The following KCNH7 variants were observed in gnomAD, a reference collection of about 807,000 sequenced individuals.
KCNH7 encodes voltage-gated inwardly rectifying potassium channel KCNH7.
In KCNH7, 49 loss-of-function variants were observed where a neutral mutation model predicts 120.8. The ratio of observed to expected loss-of-function variants is 0.41; its 90% CI spans 0.32 to 0.51. KCNH7 has a LOEUF of 0.51. Among genes scored for constraint, KCNH7 ranks in the 20% least tolerant of loss-of-function variants. The pLI, the probability that KCNH7 is intolerant of heterozygous loss-of-function variation, is 0.38. For synonymous variants in KCNH7, 547 were observed against 516.1 expected, an observed-to-expected ratio of 1.06 and a Z score of -0.81; for missense variants, 1,097 against 1,446.6, an observed-to-expected ratio of 0.76 and a Z score of 3.92.
At chr2:162,621,789 CA>C (rs1057283824) in intron 2 of KCNH7, among the ~76,000 whole-genome samples, 34 of 152,142 alleles carry the variant, frequency 2.2e-4, no homozygotes, top group African/African-American at 8.2e-4. Context: ...ACAAAGTAAC[CA>C]TTGACTTTTG....
intron 2 of KCNH7, among the ~76,000 whole-genome samples, chr2:162,760,485 C>A (rs1014698691): frequency 1.3e-5 from 2 of 152,022 alleles, no homozygotes; most frequent in African/African-American, 4.8e-5. Flanking sequence ...AATAATTCTG[C>A]GTCCCCTTAA....
chr2:162,528,660 A>G (rs2105808401), intron 3 of KCNH7, among the ~76,000 whole-genome samples: 1 of 152,096 alleles, frequency 6.6e-6, no homozygotes, highest in East Asian at 1.9e-4. Context: ...AGGGCTTTGG[A>G]GTCTTATATT....
intron 12 of KCNH7, among the ~76,000 whole-genome samples, chr2:162,393,801 C>T (rs754107206): frequency 4.5e-4 from 69 of 151,994 alleles, no homozygotes; most frequent in Non-Finnish European, 7.5e-4. Context: ...TATTTGAGGG[C>T]GTGTCTATCT....
intron 2 of KCNH7, among the ~76,000 whole-genome samples, chr2:162,570,283 A>G (rs1019495216): frequency 4.6e-5 from 7 of 151,004 alleles, no homozygotes; most frequent in African/African-American, 1.7e-4. Context: ...ACCATTATGT[A>G]ATGGCCTTCT....
chr2:162,543,314 A>G (rs1692375978), intron 2 of KCNH7, among the ~76,000 whole-genome samples: 1 of 151,944 alleles, frequency 6.6e-6, no homozygotes, highest in Admixed American at 6.6e-5. Context: ...AAATACAATC[A>G]CCAACATGAT....
chr2:162,431,002 C>T (rs145270959), intron 8 of KCNH7, among the ~76,000 whole-genome samples: 187 of 152,010 alleles, frequency 1.2e-3, no homozygotes, highest in Non-Finnish European at 2.0e-3. Flanking sequence ...TTGAATTATA[C>T]ACACTTTTAA....
chr2:162,469,185 T>TACATTTG lies in KCNH7; in HGVS notation c.1129-22743_1129-22742insCAAATGT, dbSNP rs1436095958. 8.2e-3 allele frequency among the ~76,000 whole-genome samples: 1,243 copies of TACATTTG among 152,336 alleles called. 18 individuals are homozygous for TACATTTG. Among genetic ancestry groups the TACATTTG allele is most frequent in the African/African-American group, 0.029 (1,185 of 41,562 alleles). ...ACATTTGAAAAGTTAAGGTGGTATG[T>TACATTTG]AATAGCTAAATACTGTTATGAAATT... On this transcript the variant is annotated intron_variant, in intron 6 of 15. Coordinates refer to ENST00000332142, the MANE Select transcript of KCNH7 (RefSeq NM_033272.4).
chr2:162,454,619 T>A (rs754706809), intron 6 of KCNH7, among the ~76,000 whole-genome samples: 1 of 152,158 alleles, frequency 6.6e-6, no homozygotes, highest in Non-Finnish European at 1.5e-5. Context: ...GTGTCCTCTC[T>A]TATTTTCTTG....
intron 12 of KCNH7, among the ~76,000 whole-genome samples, chr2:162,394,126 A>G (rs1262920861): frequency 6.6e-6 from 1 of 151,924 alleles, no homozygotes; most frequent in Non-Finnish European, 1.5e-5. Flanking sequence ...AATTGACCTG[A>G]ACGTCTTTTA....
At chr2:162,531,043 T>C (rs1008513710) in intron 3 of KCNH7, among the ~76,000 whole-genome samples, 2 of 151,886 alleles carry the variant, frequency 1.3e-5, no homozygotes, top group African/African-American at 4.8e-5. Context: ...TTTGTAATGC[T>C]CTGGAAATAA....
At chr2:162,473,420 T>C (rs750743406) in intron 6 of KCNH7, among the ~76,000 whole-genome samples, 7 of 152,096 alleles carry the variant, frequency 4.6e-5, no homozygotes, top group Non-Finnish European at 8.8e-5. Flanking sequence ...TAGAACTGCA[T>C]ATGAGGAGAA....
intron 8 of KCNH7, among the ~76,000 whole-genome samples, chr2:162,431,451 C>A (rs1335030285): frequency 6.6e-6 from 1 of 151,750 alleles, no homozygotes; most frequent in Admixed American, 6.6e-5. Context: ...TGCATATACA[C>A]CTATATACAT....
chr2:162,789,517 G>A lies in KCNH7; in HGVS notation c.307+47020C>T, dbSNP rs751311821. On this transcript the variant is annotated intron_variant, in intron 2 of 15. Coordinates refer to ENST00000332142, the MANE Select transcript of KCNH7 (RefSeq NM_033272.4). ...ACACTATAGACCAAATGAACCTAACGGACGTATATAAACCATTCCATTCAA... is the reference window on the plus strand; with the variant it reads ...ACACTATAGACCAAATGAACCTAACAGACGTATATAAACCATTCCATTCAA... Among the ~76,000 whole-genome samples, 10 of 151,828 alleles carry A rather than the reference G, an allele frequency of 6.6e-5. 1 individual carries two copies. Among genetic ancestry groups the A allele is most frequent in the Non-Finnish European group, 7.4e-5 (5 of 67,874 alleles).
chr2:162,562,627 G>T (rs1693114244), intron 2 of KCNH7, among the ~76,000 whole-genome samples: 1 of 152,198 alleles, frequency 6.6e-6, no homozygotes, highest in Admixed American at 6.5e-5. Context: ...ACTGGGTCCT[G>T]CTCACTTGGA....
chr2:162,430,352 C>T (rs1688022939), intron 8 of KCNH7, among the ~76,000 whole-genome samples: 1 of 152,002 alleles, frequency 6.6e-6, no homozygotes, highest in Non-Finnish European at 1.5e-5. Flanking sequence ...ACTTAGTATT[C>T]ATAAGTAGAT....
intron 2 of KCNH7, among the ~76,000 whole-genome samples, chr2:162,833,446 A>G (rs1358585517): frequency 6.6e-6 from 1 of 152,200 alleles, no homozygotes; most frequent in East Asian, 1.9e-4. Context: ...AAGTCATAGC[A>G]TAATTATAGT....
chr2:162,731,296 C>T (rs1433088757), intron 2 of KCNH7, among the ~76,000 whole-genome samples: 1 of 149,150 alleles, frequency 6.7e-6, no homozygotes, highest in African/African-American at 2.4e-5. Context: ...ATTTATAGCA[C>T]AGCAATTCCA....
chr2:162,643,564 T>G (rs1684240142), intron 2 of KCNH7, among the ~76,000 whole-genome samples: 1 of 151,786 alleles, frequency 6.6e-6, no homozygotes, highest in African/African-American at 2.4e-5. Flanking sequence ...ACCCCAGCAC[T>G]TTGGGAGGCC....
chr2:162,396,067 C>T (rs1418981580), intron 11 of KCNH7, among the ~76,000 whole-genome samples: 1 of 151,492 alleles, frequency 6.6e-6, no homozygotes, highest in African/African-American at 2.4e-5. Context: ...AGTTTTATAG[C>T]CATAGAACAG....
Sources: gnomAD v4.1 joint callset for allele counts (sites outside exome capture counted in the v4.1 genomes callset) on GRCh38, gnomAD v4.1.1 for gene constraint, MANE v1.5 for transcripts, NCBI Gene and HGNC (gene_info 2026-07-23, HGNC 2026-07-21) for gene names.